The following KPNB1 variants were observed in gnomAD, a reference collection of about 807,000 sequenced individuals.
KPNB1 encodes karyopherin subunit beta 1.
In KPNB1, 7 loss-of-function variants were observed where a neutral mutation model predicts 113.0. That is an observed-to-expected ratio of 0.06 (90% CI 0.04 to 0.12). The LOEUF is 0.12. Ranked by LOEUF, KPNB1 falls within the 10% of genes least tolerant of loss-of-function variation. KPNB1 has a pLI of 1.00. For synonymous variants in KPNB1, 363 were observed against 378.6 expected, an observed-to-expected ratio of 0.96 and a Z score of 0.48; for missense variants, 400 against 1,054.8, an observed-to-expected ratio of 0.38 and a Z score of 8.60.
chr17:47,650,571 C>CT (rs1224143314), intron 2 of KPNB1, 127 bp downstream of exon 2: 1 of 745,804 alleles, frequency 1.3e-6, no homozygotes, highest in Non-Finnish European at 2.2e-6. Flanking sequence ...TCCCCCCTCC[C>CT]CCTCCCCCCC....
At position 47,670,749 on chromosome 17, in the gene KPNB1, T is replaced by C; in HGVS notation, c.1464T>C (p.Ala488=). 6.2e-7 allele frequency: 1 copy of C among 1,613,624 alleles called. No homozygotes were observed. The highest frequency in any genetic ancestry group is 1.1e-5 in the South Asian group (1 of 91,068). Reference sequence around the variant, plus strand: ...CTGCTTATGAAGCTGCAGACGTTGCTGATGATCAGGAAGAACCAGCTACTT... The same window carrying C: ...CTGCTTATGAAGCTGCAGACGTTGCCGATGATCAGGAAGAACCAGCTACTT... ...AEAAYEAADV[A]DDQEEPATYC... Residue 488 remains alanine (A), a synonymous_variant, in exon 12 of 22, where the codon GCT becomes GCC. Coordinates refer to ENST00000290158, the MANE Select transcript of KPNB1 (RefSeq NM_002265.6).
intron 14 of KPNB1, 87 bp downstream of exon 14, chr17:47,673,648 G>A (rs1281644007): frequency 7.9e-6 from 8 of 1,008,348 alleles, no homozygotes; most frequent in Admixed American, 1.7e-5. Context: ...CACAGAACTC[G>A]AAAATGGTAT....
In KPNB1 at chr17:47,649,980, G is replaced by T; in HGVS notation, c.-265G>T. On this transcript the variant is annotated 5_prime_UTR_variant, in exon 1 of 22. Coordinates refer to ENST00000290158, the MANE Select transcript of KPNB1 (RefSeq NM_002265.6). ...TTCCTTCTTTCTCCCTCCGCCTCCC[G>T]AGCACCAGCGCGCTCTGAGCTGCCC... 1 of 1,308,396 alleles carries T rather than the reference G, an allele frequency of 7.6e-7. No individual in the cohort carries two copies. 81.0% of individuals were successfully genotyped at this position (1,308,396 alleles called of 1,614,324 possible).
chr17:47,678,843 A>G (rs1232320678), intron 19 of KPNB1, among the ~76,000 whole-genome samples: 1 of 152,130 alleles, frequency 6.6e-6, no homozygotes, highest in African/African-American at 2.4e-5. Flanking sequence ...CCTGATCTCA[A>G]TTGATCCACC....
rs1191701759 is a variant in KPNB1, at chr17:47,673,741, C to T, written c.1767+180C>T. On this transcript the variant is annotated intron_variant, in intron 14 of 21. Transcript: ENST00000290158. ...GGAGAGGAATTCCCCACCTGCCTTA[C>T]CTGTCTGTCTAGAAAGATTCAAATC... The T allele has an allele frequency of 6.0e-5, 36 of 599,476 alleles. No individual in the cohort carries two copies. The Admixed American group carries it at 1.0e-3, about 17-fold the overall frequency. 37.1% of individuals were successfully genotyped at this position (599,476 alleles called of 1,614,324 possible).
At chr17:47,679,243 A>G (rs1398643992) in intron 19 of KPNB1, among the ~76,000 whole-genome samples, 2 of 151,998 alleles carry the variant, frequency 1.3e-5, no homozygotes, top group East Asian at 1.9e-4. Context: ...TCTTTTTCTC[A>G]TATTTCTTGA....
At chr17:47,671,517 TTTTTA>T (rs1020785706) in intron 12 of KPNB1, among the ~76,000 whole-genome samples, 3 of 143,498 alleles carry the variant, frequency 2.1e-5, no homozygotes, top group African/African-American at 5.0e-5. Flanking sequence ...ATAACTACCA[TTTTTA>T]TTTTATTTTA....
At position 47,657,261 on chromosome 17, in the gene KPNB1, C is replaced by T. The variant is rs151266293; in HGVS notation, c.483+201C>T. Among the ~76,000 whole-genome samples the T allele has an allele frequency of 3.4e-3, 513 of 152,226 alleles. 2 individuals are homozygous for T. Among genetic ancestry groups the T allele is most frequent in the African/African-American group, 0.012 (481 of 41,538 alleles). The stretch of plus-strand genomic sequence containing the variant: ...CCCTAAAGTAAAGAAACTTGAGGAT[C>T]GCAAACTGAAAACAGAAGTCTATGT... On this transcript the variant is annotated intron_variant, in intron 4 of 21. Coordinates refer to ENST00000290158, the MANE Select transcript of KPNB1 (RefSeq NM_002265.6).
At chr17:47,660,996 C>T (rs2030075668) in intron 5 of KPNB1, 123 bp from the exon 6 acceptor site, 2 of 719,164 alleles carry the variant, frequency 2.8e-6, no homozygotes, top group Non-Finnish European at 2.5e-6. Context: ...CTTGATTGTA[C>T]CAGGCAGGGC....
In KPNB1 at chr17:47,650,168, C is replaced by A; in HGVS notation, c.-77C>A. ...TCCCTTCCCACCCGACCCCCAACCC[C>A]CATCCCCAGTTCGAGCCGCCGCCCG... is the stretch of plus-strand genomic sequence containing the variant. On this transcript the variant is annotated 5_prime_UTR_variant, in exon 1 of 22. Transcript: ENST00000290158. 1 of 1,460,812 alleles carries A rather than the reference C, an allele frequency of 6.8e-7. No individual in the cohort carries two copies. The highest frequency in any genetic ancestry group is 1.4e-5 in the South Asian group (1 of 73,324). 90.5% of individuals were successfully genotyped at this position (1,460,812 alleles called of 1,614,324 possible).
chr17:47,664,058 T>TA, intron 7 of KPNB1, 101 bp from the exon 8 acceptor site: 1 of 685,110 alleles, frequency 1.5e-6, no homozygotes, highest in Non-Finnish European at 2.6e-6. Context: ...TTTTTATAGT[T>TA]ACATTTCTGA....
At chr17:47,670,378 G>C (rs2030409847) in intron 11 of KPNB1, 1 of 246,910 alleles carries the variant, frequency 4.1e-6, no homozygotes, top group African/African-American at 2.2e-5. Flanking sequence ...TTAGAGAGTT[G>C]TCAGATTATC....
chr17:47,675,363 T>TTTTG lies in KPNB1; in HGVS notation c.1912+584_1912+585insGTTT, dbSNP rs1567894276. Among the ~76,000 whole-genome samples, 106 of 112,452 alleles carry TTTTG rather than the reference T, an allele frequency of 9.4e-4. 3 individuals are homozygous for TTTTG. The highest frequency in any genetic ancestry group is 2.1e-3 in the African/African-American group (53 of 25,218). The allele number at this position is 112,452 out of a possible 152,430, so 73.8% of individuals were successfully genotyped here. A position where few individuals can be genotyped will look rare whatever the true frequency, so the allele number is the denominator to read the frequency against. On this transcript the variant is annotated intron_variant, in intron 15 of 21. Coordinates refer to ENST00000290158, the MANE Select transcript of KPNB1 (RefSeq NM_002265.6). ...CAACGGAGATTGGCAGAGGTGTTGT[T>TTTTG]TTTTTTTTGTTTTTTTTTTTTGTTT...
intron 16 of KPNB1, 143 bp downstream of exon 16, chr17:47,676,634 C>A (rs763429560): frequency 6.3e-6 from 4 of 637,894 alleles, no homozygotes; most frequent in Non-Finnish European, 1.1e-5. Context: ...ATTGCCTGAA[C>A]GTTTGAACTG....
chr17:47,675,324 G>A (rs571736964), intron 15 of KPNB1, among the ~76,000 whole-genome samples: 1 of 150,370 alleles, frequency 6.7e-6, no homozygotes, highest in Non-Finnish European at 1.5e-5. Context: ...CCATTTAAAT[G>A]GGGAGCCAGT....
At chr17:47,669,943 G>T in intron 11 of KPNB1, 74 bp downstream of exon 11, 1 of 1,075,260 alleles carries the variant, frequency 9.3e-7, no homozygotes, top group Non-Finnish European at 1.4e-6. Context: ...GTGTGGGAGA[G>T]AAATCAATCT....
At chr17:47,657,270 A>C (rs2143101210) in intron 4 of KPNB1, among the ~76,000 whole-genome samples, 1 of 152,362 alleles carries the variant, frequency 6.6e-6, no homozygotes, top group South Asian at 2.1e-4. Context: ...TCGCAAACTG[A>C]AAACAGAAGT....
At chr17:47,655,160 A>G (rs1915684162) in intron 3 of KPNB1, among the ~76,000 whole-genome samples, 1 of 152,222 alleles carries the variant, frequency 6.6e-6, no homozygotes, top group East Asian at 1.9e-4. Context: ...ATGCCAGAAC[A>G]GTTAACTGTT....
intron 3 of KPNB1, among the ~76,000 whole-genome samples, chr17:47,654,099 A>G (rs968903114): frequency 6.6e-6 from 1 of 152,040 alleles, no homozygotes; most frequent in Non-Finnish European, 1.5e-5. Flanking sequence ...ATCACTCTTA[A>G]CACCAACCCT....
Sources: gnomAD v4.1 joint callset for allele counts (sites outside exome capture counted in the v4.1 genomes callset) on GRCh38, gnomAD v4.1.1 for gene constraint, MANE v1.5 for transcripts, NCBI Gene and HGNC (gene_info 2026-07-23, HGNC 2026-07-21) for gene names.